BPTF: variants seen among roughly 807,000 people sequenced by gnomAD.
The protein encoded by BPTF is nucleosome-remodeling factor subunit BPTF.
In BPTF, 18 loss-of-function variants were observed where a neutral mutation model predicts 292.5. The observed-to-expected ratio is 0.06, with a 90% confidence interval of 0.04 to 0.09. BPTF has a LOEUF of 0.09. BPTF is among the 10% of genes least tolerant of loss of function. The pLI is 1.00. For missense variants in BPTF, 2,726 were observed against 3,498.7 expected (o/e 0.78, Z 5.57); for synonymous variants, 1,225 against 1,251.9 (o/e 0.98, Z 0.45).
At chr17:67,858,304 TATTC>T (rs2058841423) in intron 2 of BPTF, among the ~76,000 whole-genome samples, 1 of 152,250 alleles carries the variant, frequency 6.6e-6, no homozygotes, top group Admixed American at 6.5e-5. Context: ...CTGGTCATGG[TATTC>T]ATTGTGCCAT....
intron 27 of BPTF, among the ~76,000 whole-genome samples, chr17:67,979,767 G>A (rs1392112449): frequency 3.3e-5 from 5 of 152,046 alleles, no homozygotes; most frequent in Admixed American, 1.3e-4. Flanking sequence ...CTGGCCGGGC[G>A]CAGTGGCTCA....
intron 1 of BPTF, among the ~76,000 whole-genome samples, chr17:67,849,251 T>G (rs1310365003): frequency 6.6e-6 from 1 of 152,186 alleles, no homozygotes; most frequent in Non-Finnish European, 1.5e-5. Flanking sequence ...AGATTACTTT[T>G]AACAATTTAC....
intron 7 of BPTF, among the ~76,000 whole-genome samples, chr17:67,898,890 C>CA (rs1479963218): frequency 6.9e-6 from 1 of 145,076 alleles, no homozygotes; most frequent in Non-Finnish European, 1.5e-5. Flanking sequence ...CCACTGCACT[C>CA]CAGCATGGGC....
intron 2 of BPTF, among the ~76,000 whole-genome samples, chr17:67,863,554 A>G (rs2059212905): frequency 2.0e-5 from 3 of 152,108 alleles, no homozygotes; most frequent in Admixed American, 2.0e-4. Context: ...AAAGTTCTAG[A>G]ATTACAGGCG....
chr17:67,887,868 T>C (rs1291004518), intron 4 of BPTF, among the ~76,000 whole-genome samples: 1 of 152,218 alleles, frequency 6.6e-6, no homozygotes, highest in Non-Finnish European at 1.5e-5. Context: ...GCAATTTGTA[T>C]TTATATGTTT....
chr17:67,891,425 A>G (rs1012264633), intron 4 of BPTF: 1 of 153,484 alleles, frequency 6.5e-6, no homozygotes, highest in Non-Finnish European at 1.4e-5. Flanking sequence ...ACTATTTGGT[A>G]TTTAAACAGA....
chr17:67,870,261 CT>C lies in BPTF; in HGVS notation c.1660+3589del, dbSNP rs374215070. On this transcript the variant is annotated intron_variant, in intron 3 of 27. Coordinates refer to ENST00000306378, the MANE Select transcript of BPTF (RefSeq NM_182641.4). ...ACATAAATATTTTTTTCTTTCTTTC[CT>C]TTTTTTTTTTTTTTCGGCTAAGGTA... Among the ~76,000 whole-genome samples, 533 of 133,452 alleles carry C rather than the reference CT, an allele frequency of 4.0e-3. 1 individual carries two copies. The highest frequency in any genetic ancestry group is 0.011 in the Middle Eastern group (3 of 272). 87.5% of individuals were successfully genotyped at this position (133,452 alleles called of 152,430 possible).
At chr17:67,857,444 GC>G (rs1234680183) in intron 2 of BPTF, among the ~76,000 whole-genome samples, 1 of 151,714 alleles carries the variant, frequency 6.6e-6, no homozygotes, top group African/African-American at 2.4e-5. Context: ...ACAGGTGTGA[GC>G]CACCGTGCCT....
chr17:67,866,395 G>A (rs2059392866), intron 2 of BPTF, 69 bp from the exon 3 acceptor site: 1 of 1,221,780 alleles, frequency 8.2e-7, no homozygotes, highest in African/African-American at 1.5e-5. Context: ...GTTTTCACTG[G>A]GTAGATGAAC....
intron 1 of BPTF, among the ~76,000 whole-genome samples, chr17:67,843,831 TCGTGGCTCA>T (rs1173054433): frequency 7.5e-6 from 1 of 133,134 alleles, no homozygotes; most frequent in East Asian, 2.4e-4. Flanking sequence ...AATGGCGCAA[TCGTGGCTCA>T]CTGCAACCTC....
intron 23 of BPTF, chr17:67,956,998 A>G (rs1317127246): frequency 6.6e-6 from 1 of 151,650 alleles, no homozygotes; most frequent in Non-Finnish European, 1.5e-5. Context: ...TTTAAAGGAA[A>G]CGTGCCCGGC....
chr17:67,909,725 A>G lies in BPTF; in HGVS notation c.2956A>G (p.Met986Val), dbSNP rs1436131270. 1.3e-6 allele frequency: 2 copies of G among 1,588,092 alleles called. No individual in the cohort carries two copies. Among genetic ancestry groups the G allele is most frequent in the Non-Finnish European group, 1.7e-6 (2 of 1,170,870 alleles). ...TGCAAAAGGAGCAGACCAAAATGAA[A>G]TGGATATCTCAAAGATTACTGAGAA... ...DAAKGADQNE[M>V]DISKITEKKD... is the part of the protein sequence containing the mutation. The change falls in exon 10 of 28, where the codon ATG becomes GTG. Residue 986 changes from methionine to valine, a missense_variant. Met to Val is a conservative substitution (Grantham distance 21). Transcript: ENST00000306378.
In BPTF at chr17:67,916,650, C is replaced by T. The variant is rs574252273; in HGVS notation, c.5304-2064C>T. ...ATGTTTGGGCGGGCGCCTGTAATCC[C>T]GGCTACTCGGGAGGCTGAGGCAGAA... On this transcript the variant is annotated intron_variant, in intron 11 of 27. Coordinates refer to ENST00000306378, the MANE Select transcript of BPTF (RefSeq NM_182641.4). Among the ~76,000 whole-genome samples, 956 of 151,660 alleles carry T rather than the reference C, an allele frequency of 6.3e-3. 5 individuals are homozygous for T. The highest frequency in any genetic ancestry group is 8.2e-3 in the Non-Finnish European group (560 of 67,936).
chr17:67,959,916 G>A (rs1555683212), intron 24 of BPTF, 41 bp downstream of exon 24: 4 of 1,393,562 alleles, frequency 2.9e-6, no homozygotes, highest in Non-Finnish European at 9.7e-7. Flanking sequence ...TGTCTTGAAA[G>A]TTTAGCTATT....
At chr17:67,882,372 A>T (rs1210503662) in intron 4 of BPTF, among the ~76,000 whole-genome samples, 1 of 152,192 alleles carries the variant, frequency 6.6e-6, no homozygotes, top group Non-Finnish European at 1.5e-5. Flanking sequence ...AAAGATCATC[A>T]GTTTACATTG....
chr17:67,880,129 G>A (rs988378647), intron 4 of BPTF, among the ~76,000 whole-genome samples: 3 of 151,014 alleles, frequency 2.0e-5, no homozygotes, highest in South Asian at 2.1e-4. Context: ...ATATATATAG[G>A]GTCTATACTC....
intron 6 of BPTF, 79 bp from the exon 7 acceptor site, chr17:67,893,955 G>A (rs2061284889): frequency 1.3e-6 from 2 of 1,537,764 alleles, no homozygotes; most frequent in Non-Finnish European, 1.8e-6. Flanking sequence ...ATCAGATGGA[G>A]GCCAAAGTTA....
At position 67,866,707 on chromosome 17, in the gene BPTF, AT is replaced by A. The variant is rs2059408597; in HGVS notation, c.1660+24del. 2 of 1,589,712 alleles carry A rather than the reference AT, an allele frequency of 1.3e-6. No homozygotes were observed. The highest frequency in any genetic ancestry group is 1.7e-6 in the Non-Finnish European group (2 of 1,161,046). ...CTAATGGTGAGAGGGGCATTTTCTC[AT>A]TTTATTTTTGTTAAGTCTGAGCTAA... On this transcript the variant is annotated intron_variant, in intron 3 of 27. Transcript: ENST00000306378.
At chr17:67,920,241 A>T (rs1369289744) in intron 13 of BPTF, 98 bp downstream of exon 13, 4 of 1,375,544 alleles carry the variant, frequency 2.9e-6, no homozygotes, top group Non-Finnish European at 4.0e-6. Context: ...TTCACCTTTT[A>T]AAAAAGACAT....
Sources: gnomAD v4.1 joint callset for allele counts (sites outside exome capture counted in the v4.1 genomes callset) on GRCh38, gnomAD v4.1.1 for gene constraint, MANE v1.5 for transcripts, NCBI Gene and HGNC (gene_info 2026-07-23, HGNC 2026-07-21) for gene names.